Variants in SDK2 observed in about 807,000 individuals in gnomAD.
SDK2 encodes the protein sidekick cell adhesion molecule 2.
In SDK2, 105 loss-of-function variants were observed where a neutral mutation model predicts 253.9. The ratio of observed to expected loss-of-function variants is 0.41; its 90% CI spans 0.35 to 0.49. SDK2 has a LOEUF of 0.49. Among genes scored for constraint, SDK2 ranks in the 20% least tolerant of loss-of-function variants. The probability of loss-of-function intolerance (pLI) is 0.06; values close to 1 mark genes in which losing one functional copy is unlikely to be tolerated. For missense variants in SDK2, 2,608 were observed against 3,003.0 expected (o/e 0.87, Z 3.07); for synonymous variants, 1,249 against 1,234.9 (o/e 1.01, Z -0.24).
At chr17:73,530,627 C>G (rs369202296) in intron 1 of SDK2, among the ~76,000 whole-genome samples, 135 of 152,324 alleles carry the variant, frequency 8.9e-4, no homozygotes, top group African/African-American at 3.2e-3. Context: ...GTAGCTTGTA[C>G]TGCTGGTTGG....
At chr17:73,598,159 G>A (rs2045786828) in intron 1 of SDK2, among the ~76,000 whole-genome samples, 1 of 152,098 alleles carries the variant, frequency 6.6e-6, no homozygotes, top group African/African-American at 2.4e-5. Flanking sequence ...CCAGTTAACA[G>A]CCACCCTCCC....
chr17:73,485,765 G>A (rs1659366333), intron 2 of SDK2, among the ~76,000 whole-genome samples: 1 of 152,194 alleles, frequency 6.6e-6, no homozygotes, highest in Admixed American at 6.5e-5. Context: ...GCACATTTGT[G>A]GACACAGCGT....
At position 73,602,322 on chromosome 17, in the gene SDK2, G is replaced by A. The variant is rs374936505; in HGVS notation, c.64+41703C>T. ...TTGTTAGGAAGAAAGCGAGGGCTGC[G>A]AGGCCTGGGCAGAGCAAGGACGGGG... On this transcript the variant is annotated intron_variant, in intron 1 of 44. Coordinates refer to ENST00000392650, the MANE Select transcript of SDK2 (RefSeq NM_001144952.2). Among the ~76,000 whole-genome samples, 39 of 152,228 alleles carry A rather than the reference G, an allele frequency of 2.6e-4. No homozygotes were observed. The East Asian group carries it at 5.0e-3, about 20-fold the overall frequency.
chr17:73,375,607 T>C (rs2145454697), intron 36 of SDK2, among the ~76,000 whole-genome samples: 2 of 152,142 alleles, frequency 1.3e-5, no homozygotes, highest in South Asian at 4.2e-4. Flanking sequence ...GCCTGTAATC[T>C]CAGCAATTTG....
chr17:73,385,609 T>G (rs1020471334), intron 32 of SDK2, among the ~76,000 whole-genome samples: 3 of 152,212 alleles, frequency 2.0e-5, no homozygotes, highest in Non-Finnish European at 2.9e-5. Context: ...AGCACCTGCC[T>G]GATGTGACTA....
At chr17:73,474,651 C>T (rs1275804132) in intron 2 of SDK2, among the ~76,000 whole-genome samples, 2 of 152,208 alleles carry the variant, frequency 1.3e-5, no homozygotes, top group African/African-American at 2.4e-5. Context: ...ATCTCTCTTC[C>T]TCCGTTCACC....
intron 27 of SDK2, 133 bp downstream of exon 27, chr17:73,393,426 CA>C: frequency 1.4e-6 from 1 of 691,382 alleles, no homozygotes; most frequent in Non-Finnish European, 2.2e-6. Flanking sequence ...CTGGGTGACC[CA>C]TCCCTACCGG....
At chr17:73,495,144 G>A (rs1312456710) in intron 2 of SDK2, among the ~76,000 whole-genome samples, 1 of 152,172 alleles carries the variant, frequency 6.6e-6, no homozygotes, top group Admixed American at 6.5e-5. Context: ...AAGAGGGAGC[G>A]AGGGGTGGCC....
Position 73,361,516 on chromosome 17 carries a change from C to T in SDK2, c.5467+168G>A, listed in dbSNP as rs904378607. ...GACACATTAATCAAAGCGTGGAGCC[C>T]GGGAGGAGGGAGCGGGGGGAGGGGT... is the stretch of plus-strand genomic sequence containing the variant. On this transcript the variant is annotated intron_variant, in intron 39 of 44. Transcript: ENST00000392650. The surrounding 1 kb of genome is among the most constrained non-coding windows in gnomAD (Gnocchi z 4.1). Among the ~76,000 whole-genome samples the T allele has an allele frequency of 5.3e-5, 8 of 151,454 alleles. No homozygotes were observed. The highest frequency in any genetic ancestry group is 4.6e-4 in the Admixed American group (7 of 15,198).
chr17:73,489,738 T>A (rs529827911), intron 2 of SDK2, among the ~76,000 whole-genome samples: 1 of 152,330 alleles, frequency 6.6e-6, no homozygotes, highest in East Asian at 1.9e-4. Context: ...ATTGACCCTC[T>A]ATATCTGCTG....
intron 44 of SDK2, among the ~76,000 whole-genome samples, chr17:73,347,752 G>C (rs1229707970): frequency 3.4e-5 from 5 of 148,426 alleles, no homozygotes; most frequent in African/African-American, 1.2e-4. Context: ...AAGCTGTAAG[G>C]CTGCATGGTT....
At chr17:73,559,545 G>C (rs1446691132) in intron 1 of SDK2, among the ~76,000 whole-genome samples, 1 of 151,976 alleles carries the variant, frequency 6.6e-6, no homozygotes, top group Non-Finnish European at 1.5e-5. Context: ...TCTTGAGCAG[G>C]ATGGTGTGGG....
At chr17:73,503,171 A>G (rs1239141329) in intron 2 of SDK2, among the ~76,000 whole-genome samples, 2 of 152,232 alleles carry the variant, frequency 1.3e-5, no homozygotes, top group African/African-American at 4.8e-5. Flanking sequence ...TGGCAATTAA[A>G]GGTCACACGT....
At chr17:73,501,118 G>C (rs1321622699) in intron 2 of SDK2, among the ~76,000 whole-genome samples, 6 of 152,158 alleles carry the variant, frequency 3.9e-5, no homozygotes, top group African/African-American at 1.4e-4. Context: ...TGACCTCTAG[G>C]GCTTTTATGT....
chr17:73,640,661 C>T (rs887491099), intron 1 of SDK2, among the ~76,000 whole-genome samples: 1 of 152,140 alleles, frequency 6.6e-6, no homozygotes, highest in Admixed American at 6.5e-5. Flanking sequence ...ACTTTCATCC[C>T]GCTCCCTTGT....
intron 12 of SDK2, among the ~76,000 whole-genome samples, chr17:73,429,886 CT>C (rs201989798): frequency 0.02 from 3,069 of 152,224 alleles, 64 homozygotes; most frequent in Non-Finnish European, 0.028. Flanking sequence ...CCTCCCAGCC[CT>C]TTTAGTGGCT....
In SDK2 at chr17:73,543,547, G is replaced by T. The variant is rs533359266; in HGVS notation, c.65-35950C>A. On this transcript the variant is annotated intron_variant, in intron 1 of 44. Transcript: ENST00000392650. ...TCAGAGGAAAATATCACCTTCCCCA[G>T]ACTCTTCCGGCAATCGACACAGGAG... Among the ~76,000 whole-genome samples, 3 of 152,350 alleles carry T rather than the reference G, an allele frequency of 2.0e-5. No individual in the cohort carries two copies. In the East Asian group the frequency reaches 5.8e-4, roughly 29 times the overall value.
At chr17:73,410,746 T>A (rs2063118597) in intron 18 of SDK2, among the ~76,000 whole-genome samples, 3 of 152,212 alleles carry the variant, frequency 2.0e-5, no homozygotes, top group Admixed American at 2.0e-4. Flanking sequence ...TCCACCAGTT[T>A]CTGTGCTCAA....
chr17:73,411,094 G>C (rs906738520), intron 18 of SDK2, among the ~76,000 whole-genome samples: 2 of 152,028 alleles, frequency 1.3e-5, no homozygotes, highest in African/African-American at 4.8e-5. Flanking sequence ...CCAATTAGGA[G>C]AGTTTTCCGG....
Sources: allele counts gnomAD v4.1 joint callset (sites outside exome capture counted in the v4.1 genomes callset), GRCh38; gene constraint gnomAD v4.1.1; non-coding constraint Gnocchi (gnomAD v3.1); transcripts MANE v1.5; gene names NCBI Gene and HGNC (gene_info 2026-07-23, HGNC 2026-07-21).